STEAP2: variants seen among roughly 807,000 people sequenced by gnomAD.
STEAP2 encodes metalloreductase STEAP2.
A neutral mutation model predicts 46.4 loss-of-function variants in STEAP2; 30 were observed. The observed-to-expected ratio is 0.65, with a 90% CI of 0.48 to 0.88. The LOEUF is 0.88. Ranked by LOEUF, STEAP2 falls within the 40% of genes least tolerant of loss-of-function variation. The probability of loss-of-function intolerance (pLI) is 0.00; values close to 1 mark genes in which losing one functional copy is unlikely to be tolerated. For missense variants in STEAP2, 513 were observed against 579.3 expected, an observed-to-expected ratio of 0.89 and a Z score of 1.18; for synonymous variants, 180 against 200.5, an observed-to-expected ratio of 0.90 and a Z score of 0.86.
In STEAP2 at chr7:90,232,922, TTAA is replaced by T; in HGVS notation, c.*304_*306del. 9.9e-7 allele frequency: 1 copy of T among 1,010,384 alleles called. No individual in the cohort carries two copies. The highest frequency in any genetic ancestry group is 1.2e-6 in the Non-Finnish European group (1 of 843,366). The allele number at this position is 1,010,384 out of a possible 1,614,324, so 62.6% of individuals were successfully genotyped here. A position where few individuals can be genotyped will look rare whatever the true frequency, so the allele number is the denominator to read the frequency against. On this transcript the variant is annotated 3_prime_UTR_variant, in exon 6 of 6. Transcript: ENST00000394621. ...CATAATCAGGCAAAAATACTTACAG[TTAA>T]TAATATAGATATAATGTTAAAAACA...
chr7:90,217,962 C>A (rs190115571), intron 2 of STEAP2, among the ~76,000 whole-genome samples: 1 of 152,202 alleles, frequency 6.6e-6, no homozygotes, highest in East Asian at 1.9e-4. Flanking sequence ...AATAGCAGTT[C>A]TAATTGGGAT....
At chr7:90,224,618 T>A (rs545045800) in intron 2 of STEAP2, among the ~76,000 whole-genome samples, 2 of 152,298 alleles carry the variant, frequency 1.3e-5, no homozygotes, top group Middle Eastern at 3.4e-3. Context: ...AAGCCCCCAT[T>A]TGGGGGCTTT....
chr7:90,226,733 T>C (rs563816580), intron 3 of STEAP2, among the ~76,000 whole-genome samples: 1 of 152,286 alleles, frequency 6.6e-6, no homozygotes, highest in South Asian at 2.1e-4. Context: ...CTGAATGAGG[T>C]GGCCTACCCA....
Position 90,229,916 on chromosome 7 carries a change from G to A in STEAP2, c.1065G>A (p.Trp355Ter), listed in dbSNP as rs1795667924. 8 of 1,613,298 alleles carry A rather than the reference G, an allele frequency of 5.0e-6. No homozygotes were observed. The Admixed American group carries it at 8.3e-5, about 17-fold the overall frequency. ...IENSWNEEEV[W>*]RIEMYISFGI... ...ACTCTTGGAATGAGGAAGAAGTTTGGAGAATTGAAATGTATATCTCCTTTG... is the reference window on the plus strand; with the variant it reads ...ACTCTTGGAATGAGGAAGAAGTTTGAAGAATTGAAATGTATATCTCCTTTG... The change falls in exon 5 of 6, where the codon TGG becomes TGA. Residue 355 changes from tryptophan to a stop codon, truncating the protein, a stop_gained. Transcript: ENST00000394621. LOFTEE classifies it high-confidence loss of function.
intron 2 of STEAP2, among the ~76,000 whole-genome samples, 191 bp downstream of exon 2, chr7:90,216,794 A>T (rs1239048414): frequency 2.6e-5 from 4 of 152,146 alleles, no homozygotes; most frequent in African/African-American, 9.7e-5. Context: ...AATCTTTTTT[A>T]AAAAATGCTG....
intron 2 of STEAP2, among the ~76,000 whole-genome samples, chr7:90,221,938 C>G (rs1795273154): frequency 6.6e-6 from 1 of 152,136 alleles, no homozygotes; most frequent in African/African-American, 2.4e-5. Context: ...TCTTGATCAT[C>G]ATGAGTGTTA....
At chr7:90,218,346 C>T (rs1350685303) in intron 2 of STEAP2, among the ~76,000 whole-genome samples, 6 of 152,148 alleles carry the variant, frequency 3.9e-5, no homozygotes, top group Admixed American at 3.9e-4. Context: ...TTTGCCTAGA[C>T]CAATGTCTTC....
chr7:90,220,304 C>T (rs558808339), intron 2 of STEAP2, among the ~76,000 whole-genome samples: 88 of 152,130 alleles, frequency 5.8e-4, no homozygotes, highest in African/African-American at 1.9e-3. Context: ...ACTGCCTCAA[C>T]TTTTTTTGTT....
At chr7:90,222,469 C>T (rs1165330078) in intron 2 of STEAP2, among the ~76,000 whole-genome samples, 2 of 152,160 alleles carry the variant, frequency 1.3e-5, no homozygotes, top group African/African-American at 4.8e-5. Context: ...CTTTCCTAAA[C>T]TCCTTACATG....
chr7:90,231,402 T>C (rs1795742712), intron 5 of STEAP2, among the ~76,000 whole-genome samples: 1 of 151,936 alleles, frequency 6.6e-6, no homozygotes. Context: ...CATATGTCTG[T>C]TTATGTATTA....
intron 2 of STEAP2, among the ~76,000 whole-genome samples, chr7:90,219,675 G>A (rs571442701): frequency 3.3e-5 from 5 of 151,940 alleles, no homozygotes; most frequent in African/African-American, 1.2e-4. Context: ...ATGTGTGTGT[G>A]TTTTTTTTAT....
chr7:90,233,094 G>C lies in STEAP2; in HGVS notation c.*470G>C. 1 of 985,164 alleles carries C rather than the reference G, an allele frequency of 1.0e-6. No homozygotes were observed. 61.0% of individuals were successfully genotyped at this position (985,164 alleles called of 1,614,324 possible). On this transcript the variant is annotated 3_prime_UTR_variant, in exon 6 of 6. Coordinates refer to ENST00000394621, the MANE Select transcript of STEAP2 (RefSeq NM_001244944.2). ...TTTTAAGAAAGGACACGTTATGTTA[G>C]CATCTAGGTAAGGCTGCATGATAGC...
At chr7:90,219,676 T>TG (rs942365983) in intron 2 of STEAP2, among the ~76,000 whole-genome samples, 4 of 152,004 alleles carry the variant, frequency 2.6e-5, no homozygotes, top group African/African-American at 9.7e-5. Flanking sequence ...TGTGTGTGTG[T>TG]TTTTTTTATG....
In STEAP2 at chr7:90,233,689, G is replaced by GT; in HGVS notation, c.*1067dup. The GT allele has an allele frequency of 3.2e-6, 3 of 931,684 alleles. No individual in the cohort carries two copies. The highest frequency in any genetic ancestry group is 3.8e-6 in the Non-Finnish European group (3 of 781,308). The allele number at this position is 931,684 out of a possible 1,614,324, so 57.7% of individuals were successfully genotyped here. ...AAAGTTATTTTTCAAAGGTCTTGCA[G>GT]TTAATAAATGGCAGAGTGAGCATTC... On this transcript the variant is annotated 3_prime_UTR_variant, in exon 6 of 6. Coordinates refer to ENST00000394621, the MANE Select transcript of STEAP2 (RefSeq NM_001244944.2).
downstream of STEAP2, chr7:90,238,173 T>C (rs1796014832): frequency 1.4e-6 from 1 of 717,262 alleles, no homozygotes; most frequent in South Asian, 1.5e-5. Flanking sequence ...CACTGCTATA[T>C]GTTGAGGAGT....
chr7:90,220,306 T>G (rs1795200412), intron 2 of STEAP2, among the ~76,000 whole-genome samples: 1 of 152,138 alleles, frequency 6.6e-6, no homozygotes. Context: ...TGCCTCAACT[T>G]TTTTTGTTAC....
At chr7:90,229,078 T>A (rs1054687781) in intron 4 of STEAP2, among the ~76,000 whole-genome samples, 2 of 152,212 alleles carry the variant, frequency 1.3e-5, no homozygotes, top group African/African-American at 4.8e-5. Context: ...AAATTTCAGC[T>A]GAAGGAGTCC....
Position 90,233,450 on chromosome 7 carries a change from T to C in STEAP2, c.*826T>C, listed in dbSNP as rs1424060835. On this transcript the variant is annotated 3_prime_UTR_variant, in exon 6 of 6. Transcript: ENST00000394621. Reference sequence around the variant, plus strand: ...CTACTTAGAACAAAAGTATCAAGTTTGCACACAAGTAATCTGCCAGCTGAC... The same window carrying C: ...CTACTTAGAACAAAAGTATCAAGTTCGCACACAAGTAATCTGCCAGCTGAC... 3.0e-6 allele frequency: 3 copies of C among 985,414 alleles called. No homozygotes were observed. Among genetic ancestry groups the C allele is most frequent in the Middle Eastern group, 5.2e-4 (1 of 1,914 alleles). 61.0% of individuals were successfully genotyped at this position (985,414 alleles called of 1,614,324 possible).
At chr7:90,216,676 G>A (rs1795031651) in intron 2 of STEAP2, 73 bp downstream of exon 2, 1 of 152,128 alleles carries the variant, frequency 6.6e-6, no homozygotes, top group African/African-American at 2.4e-5. Flanking sequence ...CATAAGTGAG[G>A]GTCAGAAAGC....
Sources: gnomAD v4.1 joint callset for allele counts (sites outside exome capture counted in the v4.1 genomes callset) on GRCh38, gnomAD v4.1.1 for gene constraint, MANE v1.5 for transcripts, NCBI Gene and HGNC (gene_info 2026-07-23, HGNC 2026-07-21) for gene names.